Variants in ADRA1B observed in about 807,000 individuals in gnomAD.
The protein encoded by ADRA1B is adrenoceptor alpha 1B.
ADRA1B carries 17 observed loss-of-function variants against 17.9 expected under a neutral mutation model. The observed-to-expected ratio is 0.95, with a 90% CI of 0.65 to 1.42. ADRA1B has a LOEUF of 1.42. Ranked by LOEUF, ADRA1B falls within the 40% of genes most tolerant of loss-of-function variation. The probability of loss-of-function intolerance (pLI) is 0.00; values close to 1 mark genes in which losing one functional copy is unlikely to be tolerated. For synonymous variants in ADRA1B, 366 were observed against 327.6 expected (o/e 1.12, Z -1.27); for missense variants, 681 against 722.1 (o/e 0.94, Z 0.65).
intron 1 of ADRA1B, among the ~76,000 whole-genome samples, chr5:159,968,599 C>T (rs10063332): frequency 0.037 from 5,620 of 152,262 alleles, 375 homozygotes; most frequent in African/African-American, 0.13. Context: ...GCTGGGATTA[C>T]AGGATCCCAC....
intron 1 of ADRA1B, among the ~76,000 whole-genome samples, chr5:159,878,151 G>T (rs149536578): frequency 3.9e-5 from 6 of 152,330 alleles, no homozygotes; most frequent in African/African-American, 1.2e-4. Flanking sequence ...GGGACGCCAG[G>T]CCCAGCAGTC....
intron 1 of ADRA1B, among the ~76,000 whole-genome samples, chr5:159,945,391 A>G (rs997476457): frequency 1.3e-5 from 2 of 152,170 alleles, no homozygotes; most frequent in African/African-American, 4.8e-5. Context: ...AAGAAAAAAG[A>G]GAGAAAGCTG....
At chr5:159,971,162 C>T (rs1327205184) in intron 1 of ADRA1B, among the ~76,000 whole-genome samples, 2 of 152,078 alleles carry the variant, frequency 1.3e-5, no homozygotes, top group African/African-American at 4.8e-5. Context: ...GTTCATTAGC[C>T]CTTGCGTTTC....
chr5:159,902,566 C>A (rs960704528), intron 1 of ADRA1B, among the ~76,000 whole-genome samples: 2 of 152,082 alleles, frequency 1.3e-5, no homozygotes, highest in African/African-American at 4.8e-5. Context: ...GACATGCTAA[C>A]TCCTGGGGCC....
At chr5:159,920,755 T>C (rs1011285545) in intron 1 of ADRA1B, among the ~76,000 whole-genome samples, 1 of 152,152 alleles carries the variant, frequency 6.6e-6, no homozygotes, top group Admixed American at 6.5e-5. Context: ...AGATGTGAGT[T>C]TCTACTTTCT....
At chr5:159,985,922 G>T in the ADRA1B span, among the ~76,000 whole-genome samples, 2 of 152,222 alleles carry the variant, frequency 1.3e-5, no homozygotes, top group Non-Finnish European at 2.9e-5. Flanking sequence ...ACATAGCATA[G>T]CCCTGAAGGA....
At chr5:159,881,461 A>T (rs911135094) in intron 1 of ADRA1B, among the ~76,000 whole-genome samples, 18 of 152,078 alleles carry the variant, frequency 1.2e-4, no homozygotes, top group African/African-American at 4.3e-4. Context: ...ACATGGCTCA[A>T]CATGGCAGCT....
chr5:159,976,886 G>A (rs944409597), downstream of ADRA1B, among the ~76,000 whole-genome samples: 1 of 152,126 alleles, frequency 6.6e-6, no homozygotes, highest in African/African-American at 2.4e-5. Context: ...TCAAGGCCCA[G>A]CTCTCCTACC....
At chr5:159,894,710 T>C (rs1754023467) in intron 1 of ADRA1B, among the ~76,000 whole-genome samples, 1 of 152,106 alleles carries the variant, frequency 6.6e-6, no homozygotes, top group Non-Finnish European at 1.5e-5. Context: ...ATGCATGAGG[T>C]AGGGATAGAG....
At chr5:159,899,159 G>A (rs28597828) in intron 1 of ADRA1B, among the ~76,000 whole-genome samples, 1 of 148,708 alleles carries the variant, frequency 6.7e-6, no homozygotes, top group Non-Finnish European at 1.5e-5. Flanking sequence ...AGGAAGGAAG[G>A]AAGAAAGAAA....
chr5:159,877,066 C>T (rs1248549477), intron 1 of ADRA1B, among the ~76,000 whole-genome samples: 3 of 152,094 alleles, frequency 2.0e-5, no homozygotes, highest in Admixed American at 1.3e-4. Flanking sequence ...AAGGGCAGCC[C>T]CTCTGGTTGA....
chr5:159,886,737 G>A (rs2113096782), intron 1 of ADRA1B, among the ~76,000 whole-genome samples: 1 of 152,210 alleles, frequency 6.6e-6, no homozygotes, highest in South Asian at 2.1e-4. Flanking sequence ...ATTGCGGAGT[G>A]TTGTGGTTAT....
At chr5:159,882,948 A>G (rs1046805469) in intron 1 of ADRA1B, among the ~76,000 whole-genome samples, 2 of 152,332 alleles carry the variant, frequency 1.3e-5, no homozygotes, top group African/African-American at 4.8e-5. Context: ...ATGAAGGCCA[A>G]CCAATCTTCC....
the ADRA1B span, among the ~76,000 whole-genome samples, chr5:159,981,258 T>C: frequency 1.3e-5 from 2 of 152,102 alleles, no homozygotes; most frequent in African/African-American, 4.8e-5. Context: ...TTTTTGCAAA[T>C]TGTTGAATGT....
chr5:159,947,984 T>C, intron 1 of ADRA1B: 2 of 985,408 alleles, frequency 2.0e-6, no homozygotes, highest in South Asian at 4.7e-5. Context: ...ATGAAGGGAA[T>C]TGATTTGATC....
At chr5:159,920,609 A>G (rs1483906410) in intron 1 of ADRA1B, among the ~76,000 whole-genome samples, 1 of 152,126 alleles carries the variant, frequency 6.6e-6, no homozygotes, top group Non-Finnish European at 1.5e-5. Flanking sequence ...TGAAAACCTA[A>G]CAGATAATGT....
chr5:159,892,925 A>T (rs1172828926), intron 1 of ADRA1B, among the ~76,000 whole-genome samples: 1 of 152,168 alleles, frequency 6.6e-6, no homozygotes, highest in African/African-American at 2.4e-5. Flanking sequence ...CTTGCACAAT[A>T]GTTGAACTAA....
intron 1 of ADRA1B, among the ~76,000 whole-genome samples, chr5:159,956,416 G>GT (rs777871459): frequency 4.6e-5 from 7 of 152,016 alleles, no homozygotes; most frequent in Non-Finnish European, 7.4e-5. Context: ...ACACACAGAG[G>GT]TTTTTTTAAT....
chr5:159,984,902 C>G, the ADRA1B span, among the ~76,000 whole-genome samples: 1 of 136,408 alleles, frequency 7.3e-6, no homozygotes, highest in Non-Finnish European at 1.5e-5. Context: ...AAAACTCTAT[C>G]TCAAAAAAAA....
Sources: gnomAD v4.1 joint callset for allele counts (sites outside exome capture counted in the v4.1 genomes callset) on GRCh38, gnomAD v4.1.1 for gene constraint, MANE v1.5 for transcripts, NCBI Gene and HGNC (gene_info 2026-07-23, HGNC 2026-07-21) for gene names.